The following LOXL2 variants were observed in gnomAD, a reference collection of about 807,000 sequenced individuals.
The protein encoded by LOXL2 is lysyl oxidase homolog 2.
A neutral mutation model predicts 93.0 loss-of-function variants in LOXL2; 70 were observed. The ratio of observed to expected loss-of-function variants is 0.75; its 90% CI spans 0.62 to 0.92. The LOEUF is 0.92. LOXL2 is among the 40% of genes least tolerant of loss of function. The probability of loss-of-function intolerance (pLI) is 0.00; values close to 1 mark genes in which losing one functional copy is unlikely to be tolerated. For synonymous variants in LOXL2, 438 were observed against 413.2 expected (o/e 1.06, Z -0.73); for missense variants, 973 against 1,054.9 (o/e 0.92, Z 1.08).
chr8:23,330,867 TC>T (rs758586910), intron 5 of LOXL2, among the ~76,000 whole-genome samples: 166 of 152,108 alleles, frequency 1.1e-3, no homozygotes, highest in Non-Finnish European at 1.8e-3. Flanking sequence ...TCCAGGCGTG[TC>T]CTGGAGGCAC....
intron 1 of LOXL2, among the ~76,000 whole-genome samples, chr8:23,383,322 GGT>G (rs138965263): frequency 2.0e-5 from 3 of 151,592 alleles, no homozygotes; most frequent in East Asian, 1.9e-4. Flanking sequence ...TTACCTTATG[GGT>G]GTGTGTGTGT....
At chr8:23,334,864 T>G (rs1803764861) in intron 4 of LOXL2, among the ~76,000 whole-genome samples, 1 of 151,338 alleles carries the variant, frequency 6.6e-6, no homozygotes, top group African/African-American at 2.4e-5. Context: ...TTGCCCAGGC[T>G]GGAGTGCTTT....
chr8:23,341,247 C>T, intron 3 of LOXL2, 44 bp from the exon 4 acceptor site: 1 of 1,512,874 alleles, frequency 6.6e-7, no homozygotes, highest in Non-Finnish European at 9.2e-7. Flanking sequence ...CCCTACTGGC[C>T]TGGCTGCAGA....
intron 4 of LOXL2, chr8:23,336,301 C>T (rs1286380858): frequency 6.6e-6 from 1 of 152,596 alleles, no homozygotes; most frequent in Admixed American, 6.5e-5. Context: ...CTGACATCAG[C>T]CCCCAGGAAT....
intron 3 of LOXL2, among the ~76,000 whole-genome samples, chr8:23,357,772 C>T (rs1043389539): frequency 2.0e-5 from 3 of 152,090 alleles, no homozygotes; most frequent in African/African-American, 7.2e-5. Flanking sequence ...TAAGATGTTA[C>T]AAATCAGCTC....
intron 12 of LOXL2, 142 bp downstream of exon 12, chr8:23,301,885 G>GT (rs1441325425): frequency 3.0e-6 from 3 of 994,878 alleles, no homozygotes; most frequent in Non-Finnish European, 4.4e-6. Flanking sequence ...CTGATGGACC[G>GT]TGATGGCCTC....
intron 1 of LOXL2, among the ~76,000 whole-genome samples, chr8:23,403,736 G>A (rs1212618214): frequency 6.6e-6 from 1 of 152,042 alleles, no homozygotes; most frequent in African/African-American, 2.4e-5. Flanking sequence ...CGCCGCGCCC[G>A]GCCCGTACGA....
chr8:23,341,434 G>C (rs1464645311), intron 3 of LOXL2: 5 of 567,112 alleles, frequency 8.8e-6, no homozygotes, highest in Non-Finnish European at 1.3e-5. Context: ...AACAGGGAGT[G>C]GGGTGACCTG....
intron 3 of LOXL2, among the ~76,000 whole-genome samples, chr8:23,349,573 G>A (rs996335778): frequency 6.6e-5 from 10 of 151,464 alleles, no homozygotes; most frequent in Non-Finnish European, 1.0e-4. Context: ...CAAATAGGAC[G>A]TCCACACGTT....
At chr8:23,308,988 A>T (rs200682412) in intron 10 of LOXL2, among the ~76,000 whole-genome samples, 7,409 of 138,992 alleles carry the variant, frequency 0.053, 244 homozygotes, top group Non-Finnish European at 0.071. Context: ...ATATATATAT[A>T]TATTTTTTTT....
chr8:23,380,813 G>A (rs1234193691), intron 1 of LOXL2, among the ~76,000 whole-genome samples: 2 of 152,018 alleles, frequency 1.3e-5, no homozygotes, highest in African/African-American at 2.4e-5. Context: ...AGGAGTTAAA[G>A]ACCAGCCTGG....
At chr8:23,380,489 T>G (rs1168204296) in intron 1 of LOXL2, among the ~76,000 whole-genome samples, 9 of 152,114 alleles carry the variant, frequency 5.9e-5, no homozygotes, top group Non-Finnish European at 1.2e-4. Context: ...GTGGGAATGC[T>G]TTAGTGTTCA....
chr8:23,384,346 T>C (rs530517769), intron 1 of LOXL2, among the ~76,000 whole-genome samples: 1 of 152,254 alleles, frequency 6.6e-6, no homozygotes, highest in South Asian at 2.1e-4. Flanking sequence ...TCTAAACACA[T>C]GCTGGACATG....
Position 23,383,661 on chromosome 8 carries a change from T to G in LOXL2, c.-83-15227A>C, listed in dbSNP as rs1392588824. On this transcript the variant is annotated intron_variant, in intron 1 of 13. Transcript: ENST00000389131. ...GCACTTTTACGTTTTTTTTTTGTTT[T>G]TTTTTTTTTTTTTTTTTGAGACAGA... Among the ~76,000 whole-genome samples the G allele has an allele frequency of 1.8e-3, 168 of 94,504 alleles. 4 individuals carry two copies. The South Asian group carries it at 0.058, about 33-fold the overall frequency. 62.0% of individuals were successfully genotyped at this position (94,504 alleles called of 152,430 possible).
chr8:23,315,501 T>A (rs922483043), intron 9 of LOXL2, among the ~76,000 whole-genome samples: 1 of 152,196 alleles, frequency 6.6e-6, no homozygotes, highest in Non-Finnish European at 1.5e-5. Flanking sequence ...AAACTCATTT[T>A]TGGATCTCCC....
intron 12 of LOXL2, among the ~76,000 whole-genome samples, chr8:23,299,921 G>T (rs753476038): frequency 3.9e-5 from 6 of 152,258 alleles, no homozygotes; most frequent in Non-Finnish European, 7.3e-5. Flanking sequence ...CAGCGGGGCT[G>T]TTCTGGGGGC....
At chr8:23,356,878 T>C (rs1804209710) in intron 3 of LOXL2, among the ~76,000 whole-genome samples, 1 of 152,126 alleles carries the variant, frequency 6.6e-6, no homozygotes. Flanking sequence ...TCCAGCTTTC[T>C]CCAAGGCGTA....
At chr8:23,354,932 A>AAT (rs770424807) in intron 3 of LOXL2, among the ~76,000 whole-genome samples, 654 of 59,150 alleles carry the variant, frequency 0.011, 18 homozygotes, top group East Asian at 0.023. Context: ...TGGGAGTTGG[A>AAT]ATATATATAT....
chr8:23,299,235 G>C (rs756734544), intron 12 of LOXL2, among the ~76,000 whole-genome samples: 198 of 152,322 alleles, frequency 1.3e-3, no homozygotes, highest in Non-Finnish European at 2.4e-3. Context: ...CCCACTCCTG[G>C]GAGTTCTGGG....
Sources: allele counts gnomAD v4.1 joint callset (sites outside exome capture counted in the v4.1 genomes callset), GRCh38; gene constraint gnomAD v4.1.1; transcripts MANE v1.5; gene names NCBI Gene and HGNC (gene_info 2026-07-23, HGNC 2026-07-21).